The following ELFN1 variants were observed in gnomAD, a reference collection of about 807,000 sequenced individuals.
The protein encoded by ELFN1 is extracellular leucine rich repeat and fibronectin type III domain containing 1.
A neutral mutation model predicts 7.6 loss-of-function variants in ELFN1; 6 were observed. The ratio of observed to expected loss-of-function variants is 0.79; its 90% CI spans 0.43 to 1.56. The LOEUF (loss-of-function observed/expected upper bound fraction) is 1.56. Ranked by LOEUF, ELFN1 falls within the 40% of genes most tolerant of loss-of-function variation. ELFN1 has a pLI of 0.01. For synonymous variants in ELFN1, 657 were observed against 588.1 expected, an observed-to-expected ratio of 1.12 and a Z score of -1.70; for missense variants, 1,169 against 1,232.2, an observed-to-expected ratio of 0.95 and a Z score of 0.77.
intron 2 of ELFN1, among the ~76,000 whole-genome samples, chr7:1,689,269 C>G (rs776663888): frequency 6.6e-6 from 1 of 152,232 alleles, no homozygotes; most frequent in Non-Finnish European, 1.5e-5. Flanking sequence ...TGTGCATGCT[C>G]ACGCATGTGT....
chr7:1,711,814 G>A (rs1408134173), intron 3 of ELFN1, among the ~76,000 whole-genome samples: 1 of 152,150 alleles, frequency 6.6e-6, no homozygotes, highest in African/African-American at 2.4e-5. Context: ...CTCTCTCAAT[G>A]AGGCTTCCCT....
intron 3 of ELFN1, among the ~76,000 whole-genome samples, chr7:1,736,355 C>T (rs755043915): frequency 5.3e-5 from 8 of 152,236 alleles, no homozygotes; most frequent in Non-Finnish European, 7.3e-5. Context: ...AGTCCAGCCC[C>T]GGCCCCGGCC....
In ELFN1 at chr7:1,670,713, C is replaced by T. The variant is rs1258754629; in HGVS notation, c.-549+359C>T. ...CCGTCCGCACCCTGCCCGGCGCCCC[C>T]CAGACGCGGCCCCCTGCCCTTCCCT... On this transcript the variant is annotated intron_variant, in intron 1 of 3. Transcript: ENST00000424383. The surrounding 1 kb of genome is among the most constrained non-coding windows in gnomAD (Gnocchi z 6.4). Among the ~76,000 whole-genome samples, 2 of 152,180 alleles carry T rather than the reference C, an allele frequency of 1.3e-5. No homozygotes were observed. The highest frequency in any genetic ancestry group is 2.9e-5 in the Non-Finnish European group (2 of 68,024).
chr7:1,675,486 C>G (rs896129922), intron 1 of ELFN1, among the ~76,000 whole-genome samples: 1 of 152,234 alleles, frequency 6.6e-6, no homozygotes, highest in Non-Finnish European at 1.5e-5. Flanking sequence ...CCGACAGATC[C>G]GAGTCTTATT....
intron 2 of ELFN1, among the ~76,000 whole-genome samples, chr7:1,701,222 G>C (rs1232008074): frequency 6.6e-6 from 1 of 152,142 alleles, no homozygotes; most frequent in African/African-American, 2.4e-5. Context: ...GTCTTGATCT[G>C]TTGGCCAGGC....
At chr7:1,688,744 C>T (rs1779103927) in intron 2 of ELFN1, among the ~76,000 whole-genome samples, 1 of 152,116 alleles carries the variant, frequency 6.6e-6, no homozygotes, top group African/African-American at 2.4e-5. Context: ...AACTATAGTA[C>T]AGTGTCACAA....
chr7:1,698,352 C>T (rs1779360723), intron 2 of ELFN1, among the ~76,000 whole-genome samples: 1 of 152,236 alleles, frequency 6.6e-6, no homozygotes, highest in East Asian at 1.9e-4. Context: ...GTTGCACCCT[C>T]GGTGCTCCCT....
chr7:1,746,076 G>A lies in ELFN1; in HGVS notation c.1480G>A (p.Val494Met), dbSNP rs988484378. 12 of 1,547,012 alleles carry A rather than the reference G, an allele frequency of 7.8e-6. No homozygotes were observed. Among genetic ancestry groups the A allele is most frequent in the African/African-American group, 4.1e-5 (3 of 72,944 alleles). The stretch of plus-strand genomic sequence containing the variant: ...GGGCCCGCTGCTGGGCCCCGAGGCC[G>A]TGACGCGCATCCCTTACCTGCCTGC... ...SQGPLLGPEA[V>M]TRIPYLPAAG... Residue 494 changes from valine (V) to methionine (M), a missense_variant, in exon 4 of 4, where the codon GTG becomes ATG. Coordinates refer to ENST00000424383, the MANE Select transcript of ELFN1 (RefSeq NM_001128636.4).
intron 3 of ELFN1, among the ~76,000 whole-genome samples, chr7:1,713,292 G>A (rs1019342299): frequency 2.0e-5 from 3 of 152,196 alleles, no homozygotes; most frequent in African/African-American, 7.2e-5. Flanking sequence ...TTCCCAGCCC[G>A]GCCCACCTCA....
chr7:1,710,657 G>A (rs1425403060), intron 3 of ELFN1, among the ~76,000 whole-genome samples: 1 of 152,222 alleles, frequency 6.6e-6, no homozygotes, highest in African/African-American at 2.4e-5. Flanking sequence ...CGGGGCCATA[G>A]GTCTCCTCTA....
At chr7:1,675,237 A>G (rs1012818740) in intron 1 of ELFN1, among the ~76,000 whole-genome samples, 1 of 152,180 alleles carries the variant, frequency 6.6e-6, no homozygotes, top group Non-Finnish European at 1.5e-5. Context: ...TCCAGTGGTA[A>G]CTTCTGTCAG....
intron 2 of ELFN1, among the ~76,000 whole-genome samples, chr7:1,690,785 A>G (rs1292693380): frequency 1.3e-5 from 2 of 150,998 alleles, no homozygotes; most frequent in East Asian, 4.0e-4. Context: ...GGGTGGATGA[A>G]TGGGTGAATG....
intron 1 of ELFN1, among the ~76,000 whole-genome samples, chr7:1,682,448 T>G (rs767789450): frequency 6.6e-6 from 1 of 151,670 alleles, no homozygotes; most frequent in Non-Finnish European, 1.5e-5. Context: ...ATTTTATTTT[T>G]TTTATTTTCA....
At position 1,677,415 on chromosome 7, in the gene ELFN1, T is replaced by C. The variant is rs568019915; in HGVS notation, c.-549+7061T>C. On this transcript the variant is annotated intron_variant, in intron 1 of 3. Coordinates refer to ENST00000424383, the MANE Select transcript of ELFN1 (RefSeq NM_001128636.4). ...TCTCAGATCTTCATTTGCGTGTGGC[T>C]CTGGGTGCAGATGGGTGTCCAAGTG... is the stretch of plus-strand genomic sequence containing the variant. Among the ~76,000 whole-genome samples the C allele has an allele frequency of 6.6e-5, 10 of 152,334 alleles. No individual in the cohort carries two copies. In the South Asian group the frequency reaches 1.7e-3, roughly 25 times the overall value.
At chr7:1,675,087 C>CGGCA (rs1778843246) in intron 1 of ELFN1, among the ~76,000 whole-genome samples, 1 of 56,776 alleles carries the variant, frequency 1.8e-5, no homozygotes, top group Non-Finnish European at 3.0e-5. Flanking sequence ...GACGGGGACC[C>CGGCA]GGCAGCCCAC....
At chr7:1,667,492 C>G (rs920844184), upstream of ELFN1, among the ~76,000 whole-genome samples, 1 of 152,142 alleles carries the variant, frequency 6.6e-6, no homozygotes, top group Non-Finnish European at 1.5e-5. This position sits in a 1 kb window ranked among gnomAD's most constrained non-coding sequence, Gnocchi z 8.2. Context: ...CCGGCGTCCC[C>G]CCTTCAGCGT....
At chr7:1,698,492 C>T (rs1779363822) in intron 2 of ELFN1, among the ~76,000 whole-genome samples, 1 of 152,148 alleles carries the variant, frequency 6.6e-6, no homozygotes, top group African/African-American at 2.4e-5. Flanking sequence ...TTTTTTACAA[C>T]ATATAAAACA....
chr7:1,693,021 T>C (rs1411166748), intron 2 of ELFN1: 2 of 277,088 alleles, frequency 7.2e-6, no homozygotes, highest in Non-Finnish European at 1.5e-5. Flanking sequence ...AGTTTTGTTG[T>C]CTGTAAAATG....
At chr7:1,728,481 C>A (rs917722088) in intron 3 of ELFN1, among the ~76,000 whole-genome samples, 1 of 152,244 alleles carries the variant, frequency 6.6e-6, no homozygotes, top group Non-Finnish European at 1.5e-5. Context: ...GCACCCAGTC[C>A]TCTTCACTCA....
Sources: allele counts gnomAD v4.1 joint callset (sites outside exome capture counted in the v4.1 genomes callset), GRCh38; gene constraint gnomAD v4.1.1; non-coding constraint Gnocchi (gnomAD v3.1); transcripts MANE v1.5; gene names NCBI Gene and HGNC (gene_info 2026-07-23, HGNC 2026-07-21).